FLT1: variants seen among roughly 807,000 people sequenced by gnomAD.
FLT1 encodes vascular endothelial growth factor receptor 1.
A neutral mutation model predicts 156.3 loss-of-function variants in FLT1; 49 were observed. The observed-to-expected ratio is 0.31, with a 90% confidence interval of 0.25 to 0.40. FLT1 has a LOEUF of 0.40. Ranked by LOEUF, FLT1 falls within the 10% of genes least tolerant of loss-of-function variation. The pLI, the probability that FLT1 is intolerant of heterozygous loss-of-function variation, is 1.00. For synonymous variants in FLT1, 594 were observed against 583.8 expected, an observed-to-expected ratio of 1.02 and a Z score of -0.25; for missense variants, 1,322 against 1,637.2, an observed-to-expected ratio of 0.81 and a Z score of 3.32.
intron 20 of FLT1, among the ~76,000 whole-genome samples, chr13:28,326,523 T>C (rs918674795): frequency 4.8e-4 from 44 of 90,966 alleles, no homozygotes; most frequent in Admixed American, 3.2e-3. Flanking sequence ...TCTCTCTCTT[T>C]TTTTTTTTTT....
intron 3 of FLT1, among the ~76,000 whole-genome samples, chr13:28,463,969 G>C (rs1035281947): frequency 6.6e-6 from 1 of 152,164 alleles, no homozygotes; most frequent in Non-Finnish European, 1.5e-5. Context: ...GTTCATAGTA[G>C]TACAGTTACA....
intron 8 of FLT1, among the ~76,000 whole-genome samples, chr13:28,429,829 C>T (rs1360793265): frequency 6.6e-6 from 1 of 152,156 alleles, no homozygotes; most frequent in Non-Finnish European, 1.5e-5. Context: ...CTGAAGCGAG[C>T]ACTCAAACAA....
In FLT1 at chr13:28,317,555, C is replaced by T. The variant is rs730882263; in HGVS notation, c.3329G>A (p.Cys1110Tyr). The T allele has an allele frequency of 3.1e-6, 5 of 1,613,898 alleles. No homozygotes were observed. In the African/African-American group the frequency reaches 4.0e-5, roughly 13 times the overall value. The change falls in exon 25 of 30, where the codon TGC becomes TAC. Residue 1110 changes from cysteine (C) to tyrosine (Y), a missense_variant. Around this residue, in one of 3 missense-constraint regions of FLT1, gnomAD observed 329 missense variants for 366.2 expected, o/e 0.90. Coordinates refer to ENST00000282397, the MANE Select transcript of FLT1 (RefSeq NM_002019.4). ...YPGVQMDEDF[C>Y]SRLREGMRMR... ...CCTCATGCCTTCCCTCAGGCGACTG[C>T]AAAAGTCCTCATCCATTTGTACTCC...
rs374816213 is a variant in FLT1 at position 28,467,510 on chromosome 13, C to T, written c.161+11G>A. 8.9e-6 allele frequency: 14 copies of T among 1,568,508 alleles called. No individual in the cohort carries two copies. In the African/African-American group the frequency reaches 1.5e-4, roughly 17 times the overall value. On this transcript the variant is annotated intron_variant, in intron 2 of 29. Transcript: ENST00000282397. ...CAACTAGATTATTCCCAAACCAACA[C>T]AGCCACTTACCTGCATTGGAGATGC...
chr13:28,339,448 A>G, intron 16 of FLT1, 148 bp from the exon 17 acceptor site: 1 of 741,854 alleles, frequency 1.3e-6, no homozygotes, highest in South Asian at 1.8e-5. Flanking sequence ...ATTCACATAC[A>G]CTCATCACAC....
intron 1 of FLT1, among the ~76,000 whole-genome samples, chr13:28,491,344 A>G (rs969880925): frequency 6.6e-6 from 1 of 152,212 alleles, no homozygotes; most frequent in Non-Finnish European, 1.5e-5. Flanking sequence ...ACTTTTTTTA[A>G]AAGAATAAAG....
intron 1 of FLT1, among the ~76,000 whole-genome samples, chr13:28,493,737 G>A (rs1881586767): frequency 1.3e-5 from 2 of 152,190 alleles, no homozygotes; most frequent in South Asian, 2.1e-4. Context: ...CTGCGAGTCC[G>A]AACCCTCAAG....
At chr13:28,392,823 G>A (rs922605484) in intron 12 of FLT1, among the ~76,000 whole-genome samples, 2 of 152,104 alleles carry the variant, frequency 1.3e-5, no homozygotes, top group Non-Finnish European at 2.9e-5. Context: ...AACCAAATTC[G>A]TTTTGAGGCC....
intron 15 of FLT1, among the ~76,000 whole-genome samples, chr13:28,356,278 C>G (rs1872896771): frequency 3.3e-5 from 5 of 152,152 alleles, no homozygotes; most frequent in Admixed American, 2.0e-4. Flanking sequence ...TCTCCTTGCT[C>G]TCTGTGTTCC....
chr13:28,477,926 G>T (rs1416372966), intron 1 of FLT1, among the ~76,000 whole-genome samples: 1 of 152,204 alleles, frequency 6.6e-6, no homozygotes, highest in African/African-American at 2.4e-5. Flanking sequence ...CAGTGGAGAT[G>T]CCATTTCAAT....
At chr13:28,463,410 A>G (rs990923949) in intron 3 of FLT1, among the ~76,000 whole-genome samples, 1 of 152,186 alleles carries the variant, frequency 6.6e-6, no homozygotes, top group Non-Finnish European at 1.5e-5. Flanking sequence ...GGGTTTTGTG[A>G]CATGTAGACA....
chr13:28,384,628 C>A (rs1874245147), intron 14 of FLT1, among the ~76,000 whole-genome samples: 2 of 152,134 alleles, frequency 1.3e-5, no homozygotes, highest in Non-Finnish European at 1.5e-5. Context: ...TCATTTCTTT[C>A]TGAATGCACT....
At chr13:28,388,743 A>G in intron 13 of FLT1, 1 of 1,058,998 alleles carries the variant, frequency 9.4e-7, no homozygotes, top group East Asian at 5.2e-5. Context: ...TACATTTAGA[A>G]GAATGCATTA....
intron 28 of FLT1, 74 bp downstream of exon 28, chr13:28,308,769 G>T: frequency 2.2e-6 from 2 of 890,634 alleles, no homozygotes; most frequent in East Asian, 2.4e-5. Flanking sequence ...CTACATTACT[G>T]GCGTTGGTGT....
At chr13:28,486,217 T>G (rs1881152963) in intron 1 of FLT1, among the ~76,000 whole-genome samples, 1 of 152,236 alleles carries the variant, frequency 6.6e-6, no homozygotes, top group African/African-American at 2.4e-5. Flanking sequence ...GGGGAAGCAG[T>G]TTGAATTCTT....
At chr13:28,414,504 A>G (rs771107141) in intron 10 of FLT1, among the ~76,000 whole-genome samples, 1 of 152,226 alleles carries the variant, frequency 6.6e-6, no homozygotes, top group Non-Finnish European at 1.5e-5. Flanking sequence ...TTGAAAGAAG[A>G]TTGGTTTGAC....
intron 28 of FLT1, 34 bp from the exon 29 acceptor site, chr13:28,306,806 C>G: frequency 6.8e-7 from 1 of 1,475,690 alleles, no homozygotes; most frequent in Non-Finnish European, 9.5e-7. Context: ...ATACTCTTGC[C>G]TGGCCCAGCG....
At chr13:28,407,119 C>T (rs542254770) in intron 10 of FLT1, among the ~76,000 whole-genome samples, 1 of 152,142 alleles carries the variant, frequency 6.6e-6, no homozygotes, top group Non-Finnish European at 1.5e-5. Flanking sequence ...GGGGACAAAT[C>T]GACGTATTCA....
chr13:28,326,236 A>G (rs1426578831), intron 20 of FLT1, among the ~76,000 whole-genome samples: 1 of 152,224 alleles, frequency 6.6e-6, no homozygotes, highest in Non-Finnish European at 1.5e-5. Flanking sequence ...GCTTCATTTA[A>G]TAAACGAGGG....
Sources: gnomAD v4.1 joint callset for allele counts (sites outside exome capture counted in the v4.1 genomes callset) on GRCh38, gnomAD v4.1.1 for gene constraint, gnomAD v4.1.1 regional missense constraint, MANE v1.5 for transcripts, NCBI Gene and HGNC (gene_info 2026-07-23, HGNC 2026-07-21) for gene names.